The following RASGRP4 variants were observed in gnomAD, a reference collection of about 807,000 sequenced individuals.
RASGRP4 encodes the protein RAS guanyl-releasing protein 4.
In RASGRP4, 52 loss-of-function variants were observed where a neutral mutation model predicts 84.4. The observed-to-expected ratio is 0.62, with a 90% CI of 0.49 to 0.78. The LOEUF (loss-of-function observed/expected upper bound fraction) is 0.78. Ranked by LOEUF, RASGRP4 falls within the 30% of genes least tolerant of loss-of-function variation. RASGRP4 has a pLI of 0.00. For missense variants in RASGRP4, 760 were observed against 886.9 expected (o/e 0.86, Z 1.82); for synonymous variants, 356 against 359.1 (o/e 0.99, Z 0.10).
chr19:38,414,777 A>G, intron 9 of RASGRP4, 71 bp downstream of exon 9: 4 of 1,426,128 alleles, frequency 2.8e-6, no homozygotes, highest in Non-Finnish European at 3.8e-6. Context: ...TCCTGGAGAC[A>G]CTCACACACC....
At chr19:38,423,183 G>A (rs940590093) in intron 1 of RASGRP4, among the ~76,000 whole-genome samples, 1 of 152,080 alleles carries the variant, frequency 6.6e-6, no homozygotes, top group Non-Finnish European at 1.5e-5. Context: ...CAGGGCTCCC[G>A]TTTGGTCTCT....
chr19:38,412,772 C>G lies in RASGRP4; in HGVS notation c.1580G>C (p.Arg527Pro). 6.2e-7 allele frequency: 1 copy of G among 1,607,790 alleles called. No homozygotes were observed. Among genetic ancestry groups the G allele is most frequent in the South Asian group, 1.1e-5 (1 of 90,306 alleles). ...SREELTGYLL[R>P]ASAICSKLGL... is the part of the protein sequence containing the mutation. Reference sequence around the variant, plus strand: ...CAACTTGGAGCAGATGGCGCTGGCCCGGAGCAGGTACCCTGTCAGCTCCTC... The same window carrying G: ...CAACTTGGAGCAGATGGCGCTGGCCGGGAGCAGGTACCCTGTCAGCTCCTC... Residue 527 changes from arginine to proline, a missense_variant, in exon 13 of 17, where the codon CGG becomes CCG. Transcript: ENST00000615439. The surrounding 1 kb of genome is among the most constrained non-coding windows in gnomAD (Gnocchi z 4.6).
chr19:38,409,184 G>T lies in RASGRP4; in HGVS notation c.*856C>A. On this transcript the variant is annotated 3_prime_UTR_variant, in exon 17 of 17. Transcript: ENST00000615439. ...CCCTGGGACTGAATGGGCCCCTGCT[G>T]CTCGACCCTCAAAGTTCTTTGCCCT... 3.8e-6 allele frequency: 1 copy of T among 262,884 alleles called. No homozygotes were observed. The highest frequency in any genetic ancestry group is 8.0e-5 in the South Asian group (1 of 12,478). 16.3% of individuals were successfully genotyped at this position (262,884 alleles called of 1,614,324 possible).
intron 16 of RASGRP4, 118 bp from the exon 17 acceptor site, chr19:38,410,214 C>T (rs947937386): frequency 2.4e-5 from 17 of 717,334 alleles, no homozygotes; most frequent in Admixed American, 5.8e-5. Context: ...GATGAATGAA[C>T]GTCCCCTGTG....
At position 38,410,922 on chromosome 19, in the gene RASGRP4, C is replaced by T. The variant is rs956248584; in HGVS notation, c.1929G>A (p.Gln643=). 2 of 1,604,462 alleles carry T rather than the reference C, an allele frequency of 1.2e-6. No homozygotes were observed. The highest frequency in any genetic ancestry group is 2.7e-5 in the African/African-American group (2 of 74,780). ...TGCQLRHAWT[Q]TESPHPSWET... ...CCCAGGAAGGGTGTGGGGATTCAGT[C>T]TGGGTCCAGGCATGGCGAAGCTGGC... The change falls in exon 16 of 17, where the codon CAG becomes CAA. Residue 643 remains glutamine, a synonymous_variant. Transcript: ENST00000615439.
Position 38,413,106 on chromosome 19 carries a change from G to A in RASGRP4, c.1417-57C>T, listed in dbSNP as rs1054254427. ...CCAGTTGTCGAAATATGATCCCCATGGCCATAAGTCCCCACCTCCAGGCTC... is the reference window on the plus strand; with the variant it reads ...CCAGTTGTCGAAATATGATCCCCATAGCCATAAGTCCCCACCTCCAGGCTC... On this transcript the variant is annotated intron_variant, in intron 11 of 16. Transcript: ENST00000615439. The surrounding 1 kb of genome is among the most constrained non-coding windows in gnomAD (Gnocchi z 4.7). The A allele has an allele frequency of 1.5e-5, 24 of 1,572,138 alleles. No homozygotes were observed. The South Asian group carries it at 2.3e-4, about 15-fold the overall frequency.
Position 38,409,991 on chromosome 19 carries a change from A to G in RASGRP4, c.*49T>C, listed in dbSNP as rs1414833575. On this transcript the variant is annotated 3_prime_UTR_variant, in exon 17 of 17. Transcript: ENST00000615439. ...CTGCCAGAGTCTGACGGCAGGACTC[A>G]GGACTGACTGGGGGAAGGGAGTGAG... The G allele has an allele frequency of 1.3e-6, 2 of 1,522,352 alleles. No homozygotes were observed. The highest frequency in any genetic ancestry group is 1.8e-6 in the Non-Finnish European group (2 of 1,108,612). 94.3% of individuals were successfully genotyped at this position (1,522,352 alleles called of 1,614,324 possible). A position where few individuals can be genotyped will look rare whatever the true frequency, so the allele number is the denominator to read the frequency against.
rs754094376 is a variant in RASGRP4 at position 38,426,037 on chromosome 19, G to A, written c.23+32C>T. On this transcript the variant is annotated intron_variant, in intron 1 of 16. Coordinates refer to ENST00000615439, the MANE Select transcript of RASGRP4 (RefSeq NM_170604.3). ...CCCATGCAGAGGGAGGCCTCAGGGT[G>A]CTGCCGGGCTCCCTGGGGAGGGTCC... 2.1e-5 allele frequency: 29 copies of A among 1,362,170 alleles called. No individual in the cohort carries two copies. In the African/African-American group the frequency reaches 3.5e-4, roughly 16 times the overall value. 84.4% of individuals were successfully genotyped at this position (1,362,170 alleles called of 1,614,324 possible).
chr19:38,421,881 C>T (rs765073487), intron 2 of RASGRP4, 88 bp downstream of exon 2: 40 of 1,147,524 alleles, frequency 3.5e-5, no homozygotes, highest in Non-Finnish European at 5.0e-5. Context: ...GCCCTGTTCT[C>T]ATTTTACCTC....
chr19:38,423,147 G>A (rs571942402), intron 1 of RASGRP4, among the ~76,000 whole-genome samples: 2 of 152,166 alleles, frequency 1.3e-5, no homozygotes, highest in South Asian at 4.2e-4. Context: ...AGGCATGGGA[G>A]GACCTGCCTT....
At chr19:38,423,403 G>A (rs1354924436) in intron 1 of RASGRP4, among the ~76,000 whole-genome samples, 1 of 152,038 alleles carries the variant, frequency 6.6e-6, no homozygotes, top group African/African-American at 2.4e-5. Context: ...GCGGGCGCCT[G>A]TAATCCCAGC....
chr19:38,410,907 G>C lies in RASGRP4; in HGVS notation c.1944C>G (p.His648Gln). Residue 648 changes from histidine (H) to glutamine (Q), a missense_variant, in exon 16 of 17, where the codon CAC (histidine) becomes CAG (glutamine). By Grantham distance (24) the His-to-Gln change is conservative. Coordinates refer to ENST00000615439, the MANE Select transcript of RASGRP4 (RefSeq NM_170604.3). ...TCACCGTATCTGTTTCCCAGGAAGG[G>C]TGTGGGGATTCAGTCTGGGTCCAGG... is the stretch of plus-strand genomic sequence containing the variant. ...RHAWTQTESP[H>Q]PSWETDTVPC... is the part of the protein sequence containing the mutation. 2 of 1,600,868 alleles carry C rather than the reference G, an allele frequency of 1.2e-6. No homozygotes were observed. The highest frequency in any genetic ancestry group is 1.7e-6 in the Non-Finnish European group (2 of 1,173,806).
chr19:38,418,270 G>GCGGGGC lies in RASGRP4; in HGVS notation c.837+115_837+120dup. On this transcript the variant is annotated intron_variant, in intron 7 of 16. Coordinates refer to ENST00000615439, the MANE Select transcript of RASGRP4 (RefSeq NM_170604.3). This position sits in a 1 kb window ranked among gnomAD's most constrained non-coding sequence, Gnocchi z 4.6. ...GAATGCCCAGGCTGTGGCCTCGGGG[G>GCGGGGC]CGGGGCCGGGAGATGCGTGACGTCA... The GCGGGGC allele has an allele frequency of 9.8e-7, 1 of 1,021,878 alleles. No homozygotes were observed. The highest frequency in any genetic ancestry group is 2.6e-5 in the East Asian group (1 of 38,234). The allele number at this position is 1,021,878 out of a possible 1,614,324, so 63.3% of individuals were successfully genotyped here.
At chr19:38,423,769 G>A (rs1434440167) in intron 1 of RASGRP4, among the ~76,000 whole-genome samples, 2 of 152,170 alleles carry the variant, frequency 1.3e-5, no homozygotes, top group South Asian at 2.1e-4. Context: ...CCCAGGAGGC[G>A]GAGGTTGCAG....
intron 16 of RASGRP4, among the ~76,000 whole-genome samples, 155 bp downstream of exon 16, chr19:38,410,731 T>G (rs2145190217): frequency 6.6e-6 from 1 of 152,208 alleles, no homozygotes; most frequent in South Asian, 2.1e-4. Flanking sequence ...CTATCAATAT[T>G]AAAAAGTAAC....
intron 1 of RASGRP4, 55 bp from the exon 2 acceptor site, chr19:38,422,208 A>G: frequency 6.6e-7 from 1 of 1,503,810 alleles, no homozygotes; most frequent in Non-Finnish European, 8.9e-7. Flanking sequence ...GACAGACCCT[A>G]GAATTCCTTT....
At chr19:38,420,358 G>A (rs1276410905) in intron 4 of RASGRP4, 96 bp from the exon 5 acceptor site, 2 of 1,398,212 alleles carry the variant, frequency 1.4e-6, no homozygotes, top group Admixed American at 4.8e-5. Context: ...TGCTGAGCTA[G>A]GGGGTCTCTA....
At position 38,417,688 on chromosome 19, in the gene RASGRP4, C is replaced by T. The variant is rs1971555106; in HGVS notation, c.838-520G>A. ...AGGGCAGCTGGGGAATTCCCTTGCC[C>T]TCCTTTTGACAAATTTCGGCAGAGG... On this transcript the variant is annotated intron_variant, in intron 7 of 16. Transcript: ENST00000615439. This position sits in a 1 kb window ranked among gnomAD's most constrained non-coding sequence, Gnocchi z 5.1. 6.6e-6 allele frequency among the ~76,000 whole-genome samples: 1 copy of T among 152,080 alleles called. No homozygotes were observed. Among genetic ancestry groups the T allele is most frequent in the African/African-American group, 2.4e-5 (1 of 41,406 alleles).
At chr19:38,420,799 G>C (rs1971711401) in intron 4 of RASGRP4, 109 bp downstream of exon 4, 2 of 1,125,366 alleles carry the variant, frequency 1.8e-6, no homozygotes, top group Non-Finnish European at 1.3e-6. Context: ...CTGTGGGGCT[G>C]GTTGGGTCTG....
Sources: gnomAD v4.1 joint callset for allele counts (sites outside exome capture counted in the v4.1 genomes callset) on GRCh38, gnomAD v4.1.1 for gene constraint, Gnocchi (gnomAD v3.1) non-coding constraint, MANE v1.5 for transcripts, NCBI Gene and HGNC (gene_info 2026-07-23, HGNC 2026-07-21) for gene names.